The following SLC39A9 variants were observed in gnomAD, a reference collection of about 807,000 sequenced individuals.
SLC39A9 encodes the protein solute carrier family 39 member 9, also known as zinc transporter ZIP9.
In SLC39A9, 14 loss-of-function variants were observed where a neutral mutation model predicts 28.4. The ratio of observed to expected loss-of-function variants is 0.49; its 90% CI spans 0.33 to 0.77. The LOEUF (loss-of-function observed/expected upper bound fraction) is 0.77, where lower values mean the gene tolerates loss of function less well. SLC39A9 is among the 30% of genes least tolerant of loss of function. The pLI, the probability that SLC39A9 is intolerant of heterozygous loss-of-function variation, is 0.02. For missense variants in SLC39A9, 283 were observed against 381.1 expected (o/e 0.74, Z 2.14); for synonymous variants, 119 against 149.6 (o/e 0.80, Z 1.49).
At chr14:69,402,318 C>T (rs148708186) in intron 1 of SLC39A9, among the ~76,000 whole-genome samples, 15 of 151,912 alleles carry the variant, frequency 9.9e-5, no homozygotes, top group African/African-American at 2.7e-4. Flanking sequence ...GGGTTGCATG[C>T]GGCCCACGAG....
chr14:69,461,078 A>G lies in SLC39A9; in HGVS notation c.*2485A>G, dbSNP rs890998320. 3.0e-6 allele frequency: 3 copies of G among 986,216 alleles called. No individual in the cohort carries two copies. The highest frequency in any genetic ancestry group is 3.6e-6 in the Non-Finnish European group (3 of 830,528). 61.1% of individuals were successfully genotyped at this position (986,216 alleles called of 1,614,324 possible). A position where few individuals can be genotyped will look rare whatever the true frequency, so the allele number is the denominator to read the frequency against. On this transcript the variant is annotated 3_prime_UTR_variant, in exon 7 of 7. Coordinates refer to ENST00000336643, the MANE Select transcript of SLC39A9 (RefSeq NM_018375.5). ...TGCCTCTTTAGATGTGGATGCCTTA[A>G]TGCTGTAACACATTTGAAAACATTG...
intron 1 of SLC39A9, among the ~76,000 whole-genome samples, chr14:69,411,107 G>A (rs1284017629): frequency 6.6e-6 from 1 of 151,190 alleles, no homozygotes; most frequent in African/African-American, 2.4e-5. Flanking sequence ...AGCTACTCAG[G>A]AGGCTAAGGC....
chr14:69,425,370 C>T (rs1884131956), intron 2 of SLC39A9, among the ~76,000 whole-genome samples: 1 of 152,154 alleles, frequency 6.6e-6, no homozygotes, highest in Admixed American at 6.5e-5. Flanking sequence ...CTATAGAAAT[C>T]ACTATCCTAA....
At chr14:69,452,398 C>T (rs1186850965) in intron 3 of SLC39A9, among the ~76,000 whole-genome samples, 3 of 152,142 alleles carry the variant, frequency 2.0e-5, no homozygotes, top group African/African-American at 4.8e-5. Context: ...GGCACAATCT[C>T]GGCTCATTGC....
intron 3 of SLC39A9, among the ~76,000 whole-genome samples, chr14:69,445,214 G>C (rs1885234640): frequency 6.6e-6 from 1 of 151,936 alleles, no homozygotes; most frequent in African/African-American, 2.4e-5. Context: ...AAGTTACACT[G>C]AGTGTGGCTG....
At position 69,404,139 on chromosome 14, in the gene SLC39A9, T is replaced by C. The variant is rs115770555; in HGVS notation, c.96+4674T>C. On this transcript the variant is annotated intron_variant, in intron 1 of 6. Transcript: ENST00000336643. ...TACTCCAAATGCTGATGTGGGAGGA[T>C]CACTTGAGCCCAGGAGTTCAGGGTT... 5.6e-3 allele frequency among the ~76,000 whole-genome samples: 856 copies of C among 152,232 alleles called. 10 individuals carry two copies. Among genetic ancestry groups the C allele is most frequent in the African/African-American group, 0.02 (817 of 41,524 alleles).
chr14:69,406,974 C>T (rs948012694), intron 1 of SLC39A9, among the ~76,000 whole-genome samples: 1 of 150,768 alleles, frequency 6.6e-6, no homozygotes, highest in African/African-American at 2.4e-5. Flanking sequence ...CCTCAGCCCC[C>T]CCAGTAGATG....
intron 2 of SLC39A9, among the ~76,000 whole-genome samples, chr14:69,425,446 A>AG (rs927919015): frequency 4.6e-5 from 7 of 152,316 alleles, no homozygotes; most frequent in African/African-American, 1.4e-4. Context: ...TCCTTGAGGA[A>AG]GAGGCACATT....
intron 3 of SLC39A9, among the ~76,000 whole-genome samples, chr14:69,445,072 G>T (rs1465342974): frequency 6.6e-6 from 1 of 151,700 alleles, no homozygotes; most frequent in Admixed American, 6.6e-5. Flanking sequence ...AGCAAAAAAT[G>T]TAATGATCAT....
intron 3 of SLC39A9, among the ~76,000 whole-genome samples, chr14:69,443,591 G>A (rs540801309): frequency 4.6e-5 from 7 of 152,264 alleles, no homozygotes; most frequent in Admixed American, 4.6e-4. Context: ...AAATGAGGGG[G>A]CAGTCACCAT....
rs956911280 is a variant in SLC39A9, at chr14:69,442,199, C to T, written c.336C>T (p.Leu112=). Residue 112 remains leucine, a synonymous_variant, in exon 3 of 7, where the codon CTC becomes CTT. Transcript: ENST00000336643. ...TGCATGCCTATATTGGTGTTTCCCT[C>T]GTTCTGGGCTTCGTTTTCATGTTGC... ...TQLHAYIGVS[L]VLGFVFMLLV... 7 of 1,614,072 alleles carry T rather than the reference C, an allele frequency of 4.3e-6. No individual in the cohort carries two copies. The highest frequency in any genetic ancestry group is 4.0e-5 in the African/African-American group (3 of 74,932).
chr14:69,426,675 T>A (rs1479723714), intron 2 of SLC39A9, among the ~76,000 whole-genome samples: 1 of 152,120 alleles, frequency 6.6e-6, no homozygotes, highest in Non-Finnish European at 1.5e-5. Context: ...CATGGGAGCT[T>A]AAGACCCCAA....
intron 2 of SLC39A9, among the ~76,000 whole-genome samples, chr14:69,437,955 G>A (rs1884858932): frequency 6.6e-6 from 1 of 151,190 alleles, no homozygotes; most frequent in Admixed American, 6.6e-5. Flanking sequence ...ATACTGATGA[G>A]TTTAGACATA....
At position 69,461,946 on chromosome 14, in the gene SLC39A9, T is replaced by C. The variant is rs1253135856; in HGVS notation, c.*3353T>C. On this transcript the variant is annotated 3_prime_UTR_variant, in exon 7 of 7. Coordinates refer to ENST00000336643, the MANE Select transcript of SLC39A9 (RefSeq NM_018375.5). ...AACCTTCCTTCCATTAGAAAATTTC[T>C]GCTCAATACAGAATGGTCCACATCA... is the stretch of plus-strand genomic sequence containing the variant. 3.9e-6 allele frequency: 2 copies of C among 516,898 alleles called. No individual in the cohort carries two copies. Among genetic ancestry groups the C allele is most frequent in the Admixed American group, 6.5e-5 (2 of 30,590 alleles). The allele number at this position is 516,898 out of a possible 1,614,324, so 32.0% of individuals were successfully genotyped here.
intron 1 of SLC39A9, among the ~76,000 whole-genome samples, chr14:69,419,307 G>A (rs1489679311): frequency 6.6e-6 from 1 of 152,146 alleles, no homozygotes; most frequent in Admixed American, 6.6e-5. Flanking sequence ...GTAGTTGTGC[G>A]GTTTTGAGTG....
In SLC39A9 at chr14:69,427,807, T is replaced by C. The variant is rs568272039; in HGVS notation, c.205+3605T>C. On this transcript the variant is annotated intron_variant, in intron 2 of 6. Transcript: ENST00000336643. ...TTTTTGCACTAAAATGAACTTGCGCTAACTTGTTATAACATGTCTGAACAG... is the reference window on the plus strand; with the variant it reads ...TTTTTGCACTAAAATGAACTTGCGCCAACTTGTTATAACATGTCTGAACAG... Among the ~76,000 whole-genome samples the C allele has an allele frequency of 9.8e-4, 150 of 152,354 alleles. 1 individual carries two copies. The highest frequency in any genetic ancestry group is 3.4e-3 in the African/African-American group (141 of 41,574).
chr14:69,399,914 A>G (rs921736155), intron 1 of SLC39A9, among the ~76,000 whole-genome samples: 1 of 152,154 alleles, frequency 6.6e-6, no homozygotes, highest in Non-Finnish European at 1.5e-5. Context: ...CAGGAGTTCT[A>G]GACCAGCCTG....
intron 1 of SLC39A9, among the ~76,000 whole-genome samples, chr14:69,402,225 TAA>T (rs879468233): frequency 1.4e-5 from 2 of 138,712 alleles, no homozygotes; most frequent in Admixed American, 7.2e-5. Context: ...GGTGATGAGC[TAA>T]AAAAAAAAAA....
intron 1 of SLC39A9, among the ~76,000 whole-genome samples, chr14:69,409,808 G>A (rs905760604): frequency 5.3e-5 from 8 of 152,094 alleles, no homozygotes; most frequent in Non-Finnish European, 8.8e-5. Flanking sequence ...ATAGAATGAT[G>A]GGGATAAAGG....
Sources: gnomAD v4.1 joint callset for allele counts (sites outside exome capture counted in the v4.1 genomes callset) on GRCh38, gnomAD v4.1.1 for gene constraint, MANE v1.5 for transcripts, NCBI Gene and HGNC (gene_info 2026-07-23, HGNC 2026-07-21) for gene names.